The following THSD7A variants were observed in gnomAD, a reference collection of about 807,000 sequenced individuals.
THSD7A encodes the protein thrombospondin type 1 domain containing 7A.
THSD7A carries 96 observed loss-of-function variants against 231.3 expected under a neutral mutation model. The ratio of observed to expected loss-of-function variants is 0.41; its 90% CI spans 0.35 to 0.49. The LOEUF is 0.49. Ranked by LOEUF, THSD7A falls within the 20% of genes least tolerant of loss-of-function variation. The pLI is 0.05. For synonymous variants in THSD7A, 940 were observed against 743.3 expected, an observed-to-expected ratio of 1.26 and a Z score of -4.30; for missense variants, 2,290 against 2,070.2, an observed-to-expected ratio of 1.11 and a Z score of -2.06.
intron 1 of THSD7A, among the ~76,000 whole-genome samples, chr7:11,663,065 AACTT>A (rs1401340401): frequency 6.6e-6 from 1 of 151,304 alleles, no homozygotes; most frequent in African/African-American, 2.4e-5. Context: ...TAAGAGTAAA[AACTT>A]AATTAATGAA....
chr7:11,399,250 A>G (rs1783308159), intron 23 of THSD7A, among the ~76,000 whole-genome samples: 1 of 152,302 alleles, frequency 6.6e-6, no homozygotes, highest in Admixed American at 6.5e-5. Flanking sequence ...TAGGTTTTTC[A>G]TTACTCTTGA....
intron 1 of THSD7A, among the ~76,000 whole-genome samples, chr7:11,734,886 AT>A (rs1416541838): frequency 6.6e-6 from 1 of 151,866 alleles, no homozygotes; most frequent in African/African-American, 2.4e-5. Flanking sequence ...TTTTATAGTC[AT>A]TTTTTAGGAT....
intron 6 of THSD7A, among the ~76,000 whole-genome samples, chr7:11,518,528 C>T (rs940385983): frequency 4.0e-5 from 6 of 151,760 alleles, no homozygotes; most frequent in South Asian, 2.1e-4. Context: ...ATGTAGTAAA[C>T]GAGGTAAGAC....
intron 6 of THSD7A, among the ~76,000 whole-genome samples, chr7:11,511,254 C>A (rs1373147662): frequency 6.6e-6 from 1 of 152,088 alleles, no homozygotes; most frequent in Non-Finnish European, 1.5e-5. Flanking sequence ...TCAAGGAGAA[C>A]TACAAACCAC....
chr7:11,543,849 T>C (rs1036767262), intron 4 of THSD7A, among the ~76,000 whole-genome samples: 10 of 152,186 alleles, frequency 6.6e-5, no homozygotes, highest in Non-Finnish European at 1.3e-4. Context: ...GGCTCTTTTG[T>C]ATATACTTGA....
intron 1 of THSD7A, among the ~76,000 whole-genome samples, chr7:11,775,998 G>T (rs35639376): frequency 0.21 from 31,535 of 152,108 alleles, 3,865 homozygotes; most frequent in Middle Eastern, 0.34. Context: ...CATTTTGTAA[G>T]TAAAATAAAT....
chr7:11,388,150 G>C (rs949731071), intron 23 of THSD7A, among the ~76,000 whole-genome samples: 4 of 152,004 alleles, frequency 2.6e-5, no homozygotes, highest in African/African-American at 4.8e-5. Context: ...AGGGATATTG[G>C]CCTGAAATTT....
At chr7:11,524,670 C>G (rs1788401182) in intron 6 of THSD7A, among the ~76,000 whole-genome samples, 1 of 152,076 alleles carries the variant, frequency 6.6e-6, no homozygotes, top group Non-Finnish European at 1.5e-5. Context: ...TTGAATAGTC[C>G]CAGAACTTGA....
At chr7:11,519,318 G>C (rs1180775606) in intron 6 of THSD7A, among the ~76,000 whole-genome samples, 1 of 152,028 alleles carries the variant, frequency 6.6e-6, no homozygotes, top group Non-Finnish European at 1.5e-5. Context: ...CCACTATTTT[G>C]ACTTTTAACT....
Position 11,590,699 on chromosome 7 carries a change from A to G in THSD7A, c.1272-58T>C, listed in dbSNP as rs957123685. ...TAATTATTGAATGACGTGTTTCTCT[A>G]CTCCTGTCATACTTTGTTTTAACGA... On this transcript the variant is annotated intron_variant, in intron 3 of 27. Transcript: ENST00000423059. This position sits in a 1 kb window ranked among gnomAD's most constrained non-coding sequence, Gnocchi z 4.4. 1 of 1,516,124 alleles carries G rather than the reference A, an allele frequency of 6.6e-7. No homozygotes were observed. Among genetic ancestry groups the G allele is most frequent in the Non-Finnish European group, 8.8e-7 (1 of 1,130,478 alleles). The allele number at this position is 1,516,124 out of a possible 1,614,324, so 93.9% of individuals were successfully genotyped here.
intron 1 of THSD7A, among the ~76,000 whole-genome samples, chr7:11,802,584 G>A (rs1364747256): frequency 6.6e-6 from 1 of 152,066 alleles, no homozygotes; most frequent in Non-Finnish European, 1.5e-5. Context: ...AGTTAAGAGT[G>A]GGCCAGAAAA....
intron 4 of THSD7A, among the ~76,000 whole-genome samples, chr7:11,546,200 GCGCTCA>G (rs1789382690): frequency 4.9e-5 from 2 of 40,822 alleles, no homozygotes; most frequent in African/African-American, 2.7e-4. Context: ...GTGTGGGCGC[GCGCTCA>G]CACACACACA....
rs185687675 is a variant in THSD7A, at chr7:11,373,808, T to G, written c.*1986A>C. 6.6e-6 allele frequency: 1 copy of G among 152,196 alleles called. No individual in the cohort carries two copies. Among genetic ancestry groups the G allele is most frequent in the Admixed American group, 6.6e-5 (1 of 15,254 alleles). 9.4% of individuals were successfully genotyped at this position (152,196 alleles called of 1,614,324 possible). ...ACACTTTTACAGGAACACAGCTGTT[T>G]AAGATAAAATAGCATGTTAGTTATA... is the stretch of plus-strand genomic sequence containing the variant. On this transcript the variant is annotated 3_prime_UTR_variant, in exon 28 of 28. Transcript: ENST00000423059.
At chr7:11,584,505 G>A (rs183137369) in intron 4 of THSD7A, among the ~76,000 whole-genome samples, 6 of 151,798 alleles carry the variant, frequency 4.0e-5, no homozygotes, top group East Asian at 3.9e-4. Context: ...CTGTTTTTTC[G>A]TGTAAGCTAG....
At chr7:11,397,297 A>G (rs1238932602) in intron 23 of THSD7A, among the ~76,000 whole-genome samples, 1 of 152,214 alleles carries the variant, frequency 6.6e-6, no homozygotes, top group Non-Finnish European at 1.5e-5. Flanking sequence ...CAAGCCTAAG[A>G]AAAGCAATGG....
At chr7:11,396,406 AAG>A (rs1413384198) in intron 23 of THSD7A, among the ~76,000 whole-genome samples, 2 of 152,188 alleles carry the variant, frequency 1.3e-5, no homozygotes, top group Non-Finnish European at 2.9e-5. Context: ...GAAAGAAGAA[AAG>A]AGAGAAGAAT....
In THSD7A at chr7:11,740,619, G is replaced by A. The variant is rs1782081811; in HGVS notation, c.190+91138C>T. The stretch of plus-strand genomic sequence containing the variant: ...ACCTAACATACTTAAATCTTAGCAT[G>A]CCTCCCTTGGGTCATTCTGGTCTTT... On this transcript the variant is annotated intron_variant, in intron 1 of 27. Transcript: ENST00000423059. Among the ~76,000 whole-genome samples, 3 of 151,964 alleles carry A rather than the reference G, an allele frequency of 2.0e-5. No homozygotes were observed. In the South Asian group the frequency reaches 6.2e-4, roughly 32 times the overall value.
At chr7:11,604,121 A>G (rs909336320) in intron 2 of THSD7A, among the ~76,000 whole-genome samples, 15 of 152,126 alleles carry the variant, frequency 9.9e-5, no homozygotes, top group Admixed American at 9.8e-4. Context: ...TGTGCCAGAC[A>G]CTGTTCTAAT....
chr7:11,511,874 G>A (rs936838949), intron 6 of THSD7A, among the ~76,000 whole-genome samples: 53 of 152,256 alleles, frequency 3.5e-4, no homozygotes, highest in African/African-American at 1.2e-3. Context: ...ATAGGCATGG[G>A]CAAGGACTTC....
Sources: allele counts gnomAD v4.1 joint callset (sites outside exome capture counted in the v4.1 genomes callset), GRCh38; gene constraint gnomAD v4.1.1; non-coding constraint Gnocchi (gnomAD v3.1); transcripts MANE v1.5; gene names NCBI Gene and HGNC (gene_info 2026-07-23, HGNC 2026-07-21).